Variants in SEMA3D observed in about 807,000 individuals in gnomAD.
SEMA3D encodes semaphorin-3D.
Under a neutral mutation model 100.1 loss-of-function variants are expected in SEMA3D, and 84 were observed. That is an observed-to-expected ratio of 0.84 (90% CI 0.70 to 1.01). The LOEUF (loss-of-function observed/expected upper bound fraction) is 1.01. SEMA3D is among the 50% of genes least tolerant of loss of function. The pLI, the probability that SEMA3D is intolerant of heterozygous loss-of-function variation, is 0.00. For missense variants in SEMA3D, 875 were observed against 934.1 expected (o/e 0.94, Z 0.82); for synonymous variants, 312 against 320.7 (o/e 0.97, Z 0.29).
At chr7:85,225,095 TATATATATATAC>T in the SEMA3D span, among the ~76,000 whole-genome samples, 11 of 33,852 alleles carry the variant, frequency 3.2e-4, no homozygotes, top group African/African-American at 3.1e-3. Flanking sequence ...TATATATATA[TATATATATATAC>T]ATACATATAT....
chr7:85,013,068 G>A (rs1790002100), intron 16 of SEMA3D, among the ~76,000 whole-genome samples: 1 of 151,680 alleles, frequency 6.6e-6, no homozygotes, highest in Admixed American at 6.6e-5. Context: ...GAGATGACAT[G>A]AATTTTATTT....
rs1347764184 is a variant in SEMA3D, at chr7:84,996,573, C to T, written c.*2867G>A. The stretch of plus-strand genomic sequence containing the variant: ...AAGGACTCTACATAAATTAATTAGA[C>T]AATTCATTTCTAAATAAAATCTCAA... On this transcript the variant is annotated 3_prime_UTR_variant, in exon 19 of 19. Transcript: ENST00000284136. 1 of 152,440 alleles carries T rather than the reference C, an allele frequency of 6.6e-6. No individual in the cohort carries two copies. Among genetic ancestry groups the T allele is most frequent in the South Asian group, 2.1e-4 (1 of 4,830 alleles). The allele number at this position is 152,440 out of a possible 1,614,324, so 9.4% of individuals were successfully genotyped here. A position where few individuals can be genotyped will look rare whatever the true frequency, so the allele number is the denominator to read the frequency against.
At chr7:85,055,227 A>T (rs1791275014) in intron 9 of SEMA3D, among the ~76,000 whole-genome samples, 1 of 152,100 alleles carries the variant, frequency 6.6e-6, no homozygotes. Context: ...AAAAATGTAG[A>T]ATATACATCT....
chr7:85,121,591 G>T (rs1380846933), intron 3 of SEMA3D, 150 bp downstream of exon 3: 2 of 516,216 alleles, frequency 3.9e-6, no homozygotes, highest in South Asian at 3.3e-5. Context: ...ATGAGTAATT[G>T]GGCTTCGTGT....
At chr7:85,152,874 T>C (rs1790468274) in intron 2 of SEMA3D, among the ~76,000 whole-genome samples, 1 of 152,118 alleles carries the variant, frequency 6.6e-6, no homozygotes, top group African/African-American at 2.4e-5. Context: ...TAGTCACTGA[T>C]GCAAGTCAAA....
At chr7:85,040,529 A>G (rs1473230648) in intron 11 of SEMA3D, 144 bp downstream of exon 11, 5 of 587,520 alleles carry the variant, frequency 8.5e-6, no homozygotes, top group Non-Finnish European at 1.5e-5. Context: ...ATGATTTTTA[A>G]GGAACACTAA....
At chr7:85,026,886 G>A (rs555866547) in intron 12 of SEMA3D, among the ~76,000 whole-genome samples, 1 of 152,054 alleles carries the variant, frequency 6.6e-6, no homozygotes, top group Non-Finnish European at 1.5e-5. Flanking sequence ...TTGAACTTGT[G>A]GAATCCATGG....
chr7:85,233,183 G>A, the SEMA3D span, among the ~76,000 whole-genome samples: 6 of 151,876 alleles, frequency 4.0e-5, no homozygotes, highest in South Asian at 1.0e-3. Context: ...ATGTGTTGAT[G>A]TTAGAAAAAA....
intron 11 of SEMA3D, 130 bp from the exon 12 acceptor site, chr7:85,037,163 CACAA>C: frequency 1.4e-6 from 1 of 731,002 alleles, no homozygotes; most frequent in Non-Finnish European, 2.2e-6. Flanking sequence ...GTACTGTAGA[CACAA>C]TGTGCCTACG....
intron 12 of SEMA3D, among the ~76,000 whole-genome samples, chr7:85,025,808 C>A (rs1208198811): frequency 3.9e-5 from 6 of 151,984 alleles, no homozygotes; most frequent in Admixed American, 3.3e-4. Context: ...CAAGGAAAGA[C>A]CCTGTATTAA....
At chr7:85,027,817 C>G in intron 12 of SEMA3D, 1 of 491,478 alleles carries the variant, frequency 2.0e-6, no homozygotes, top group Admixed American at 2.3e-5. Flanking sequence ...TGACCATGCA[C>G]ACAAACATCT....
In SEMA3D at chr7:85,108,788, T is replaced by C. The variant is rs73703780; in HGVS notation, c.152-10823A>G. Among the ~76,000 whole-genome samples the C allele has an allele frequency of 7.3e-3, 1,116 of 152,124 alleles. 16 individuals carry two copies. Among genetic ancestry groups the C allele is most frequent in the African/African-American group, 0.026 (1,064 of 41,514 alleles). On this transcript the variant is annotated intron_variant, in intron 3 of 18. Coordinates refer to ENST00000284136, the MANE Select transcript of SEMA3D (RefSeq NM_001384900.1). ...TTTTTCTGTTACAATTCTAAATTGG[T>C]CAAATTTGTACATCTCTAACTAGCT...
the SEMA3D span, among the ~76,000 whole-genome samples, chr7:85,192,727 A>T: frequency 6.6e-6 from 1 of 152,180 alleles, no homozygotes; most frequent in Non-Finnish European, 1.5e-5. Context: ...GAAAGAGTTT[A>T]GGACTTTTAA....
intron 12 of SEMA3D, among the ~76,000 whole-genome samples, chr7:85,036,191 C>T (rs1280958427): frequency 6.6e-6 from 1 of 151,898 alleles, no homozygotes; most frequent in Non-Finnish European, 1.5e-5. Context: ...ATAACTTAAA[C>T]TGTCATAATA....
chr7:85,105,332 G>T (rs963254892), intron 3 of SEMA3D, among the ~76,000 whole-genome samples: 1 of 151,966 alleles, frequency 6.6e-6, no homozygotes, highest in African/African-American at 2.4e-5. Context: ...CCAAGGCAAG[G>T]CATGGATTCT....
chr7:85,017,565 T>C (rs1196179679), intron 15 of SEMA3D, among the ~76,000 whole-genome samples: 1 of 151,824 alleles, frequency 6.6e-6, no homozygotes, highest in Non-Finnish European at 1.5e-5. Flanking sequence ...ATGTTGAACA[T>C]GTCATATGGC....
intron 1 of SEMA3D, among the ~76,000 whole-genome samples, chr7:85,183,657 A>G (rs1022407924): frequency 1.3e-5 from 2 of 152,236 alleles, no homozygotes; most frequent in African/African-American, 4.8e-5. Flanking sequence ...CTTACCTATG[A>G]AGGCAATTCT....
the SEMA3D span, among the ~76,000 whole-genome samples, chr7:85,213,909 C>T: frequency 6.6e-6 from 1 of 152,208 alleles, no homozygotes; most frequent in East Asian, 1.9e-4. Context: ...GCCTTTCAGT[C>T]TCATGGGCTA....
intron 12 of SEMA3D, among the ~76,000 whole-genome samples, chr7:85,033,765 C>A (rs185633635): frequency 6.6e-6 from 1 of 151,670 alleles, no homozygotes; most frequent in Non-Finnish European, 1.5e-5. Flanking sequence ...AGAAAAGGCT[C>A]AGAATGTGAC....
Sources: gnomAD v4.1 joint callset for allele counts (sites outside exome capture counted in the v4.1 genomes callset) on GRCh38, gnomAD v4.1.1 for gene constraint, MANE v1.5 for transcripts, NCBI Gene and HGNC (gene_info 2026-07-23, HGNC 2026-07-21) for gene names.